Variants in ZFYVE28 observed in about 807,000 individuals in gnomAD.
ZFYVE28 encodes the protein zinc finger FYVE-type containing 28, also known as lateral signaling target protein 2 homolog.
A neutral mutation model predicts 82.1 loss-of-function variants in ZFYVE28; 40 were observed. That is an observed-to-expected ratio of 0.49 (90% CI 0.38 to 0.63). The LOEUF (loss-of-function observed/expected upper bound fraction) is 0.63. Ranked by LOEUF, ZFYVE28 falls within the 30% of genes least tolerant of loss-of-function variation. The pLI, the probability that ZFYVE28 is intolerant of heterozygous loss-of-function variation, is 0.00. For missense variants in ZFYVE28, 1,321 were observed against 1,242.1 expected (o/e 1.06, Z -0.96); for synonymous variants, 612 against 546.1 (o/e 1.12, Z -1.68).
In ZFYVE28 at chr4:2,300,017, T is replaced by C. The variant is rs932914084; in HGVS notation, c.2051+4272A>G. ...CTTGCTATGTTGTCCAGGCTGGCCT[T>C]GAACTCCTGGCCTCAAGCAATACGC... On this transcript the variant is annotated intron_variant, in intron 8 of 12. Coordinates refer to ENST00000290974, the MANE Select transcript of ZFYVE28 (RefSeq NM_020972.3). This position sits in a 1 kb window ranked among gnomAD's most constrained non-coding sequence, Gnocchi z 4.6. Among the ~76,000 whole-genome samples the C allele has an allele frequency of 1.3e-5, 2 of 152,146 alleles. No homozygotes were observed. Among genetic ancestry groups the C allele is most frequent in the African/African-American group, 4.8e-5 (2 of 41,416 alleles).
intron 6 of ZFYVE28, among the ~76,000 whole-genome samples, chr4:2,323,736 T>C (rs2108840456): frequency 7.6e-6 from 1 of 132,172 alleles, no homozygotes; most frequent in East Asian, 2.3e-4. Flanking sequence ...ATGTTCCCCT[T>C]CCTGTGTCCA....
intron 1 of ZFYVE28, among the ~76,000 whole-genome samples, chr4:2,369,534 G>A (rs1016259590): frequency 1.3e-5 from 2 of 152,168 alleles, no homozygotes; most frequent in African/African-American, 4.8e-5. Context: ...TGGAAAAACG[G>A]TTGTTGCAGA....
At chr4:2,334,212 T>C (rs1369608273) in intron 6 of ZFYVE28, among the ~76,000 whole-genome samples, 2 of 152,168 alleles carry the variant, frequency 1.3e-5, no homozygotes, top group East Asian at 3.9e-4. Flanking sequence ...CCCTGAGCTA[T>C]TGGAGGGGAC....
intron 1 of ZFYVE28, among the ~76,000 whole-genome samples, chr4:2,412,669 C>T (rs1732643419): frequency 6.6e-6 from 1 of 152,198 alleles, no homozygotes; most frequent in Non-Finnish European, 1.5e-5. Flanking sequence ...GCACCCGGCA[C>T]ACCCTGTAGC....
chr4:2,310,192 C>T (rs1339994799), intron 7 of ZFYVE28, among the ~76,000 whole-genome samples: 1 of 152,052 alleles, frequency 6.6e-6, no homozygotes. Flanking sequence ...ATGTGTACCA[C>T]CATGCTCAAC....
At chr4:2,381,239 G>A (rs544176696) in intron 1 of ZFYVE28, among the ~76,000 whole-genome samples, 2 of 152,340 alleles carry the variant, frequency 1.3e-5, no homozygotes, top group South Asian at 2.1e-4. Context: ...CCCTGCCCTA[G>A]AGATTTGTGG....
intron 1 of ZFYVE28, among the ~76,000 whole-genome samples, chr4:2,389,035 G>A (rs1356964767): frequency 6.6e-6 from 1 of 152,118 alleles, no homozygotes. Flanking sequence ...CCACTGTGGG[G>A]GAAGAACCTG....
At chr4:2,401,255 G>A (rs895952668) in intron 1 of ZFYVE28, among the ~76,000 whole-genome samples, 3 of 152,210 alleles carry the variant, frequency 2.0e-5, no homozygotes, top group Admixed American at 6.5e-5. Flanking sequence ...CAGCTCACAC[G>A]CAACGACACA....
chr4:2,410,762 T>C (rs1732442617), intron 1 of ZFYVE28, among the ~76,000 whole-genome samples: 1 of 152,190 alleles, frequency 6.6e-6, no homozygotes, highest in Non-Finnish European at 1.5e-5. Flanking sequence ...CCCAAAGTGC[T>C]GGGATTACAG....
Position 2,304,574 on chromosome 4 carries a change from C to A in ZFYVE28, c.1766G>T (p.Gly589Val). 1.9e-6 allele frequency: 3 copies of A among 1,612,562 alleles called. No individual in the cohort carries two copies. Among genetic ancestry groups the A allele is most frequent in the Non-Finnish European group, 2.5e-6 (3 of 1,179,842 alleles). Residue 589 changes from glycine to valine, a missense_variant, in exon 8 of 13, where the codon GGC becomes GTC. Physicochemically the swap from Gly to Val is moderately radical, Grantham distance 109 (BLOSUM62 -3). Transcript: ENST00000290974. ...ERLREKCSPG[G>V]VIGASYAAGL... ...GGCAGCGTACGAGGCACCAATGACG[C>A]CTCCCGGGCTGCACTTCTCCCGCAG...
intron 8 of ZFYVE28, among the ~76,000 whole-genome samples, chr4:2,291,912 G>A (rs911899439): frequency 9.2e-5 from 14 of 152,190 alleles, no homozygotes; most frequent in Admixed American, 7.2e-4. Context: ...AGAGGGGGCC[G>A]GGCTGCAGGG....
At chr4:2,297,777 C>T (rs34830856) in intron 8 of ZFYVE28, among the ~76,000 whole-genome samples, 46,061 of 147,088 alleles carry the variant, frequency 0.31, 8,297 homozygotes, top group Non-Finnish European at 0.41. Context: ...CACAGTGACA[C>T]GGCGGGCTGT....
At chr4:2,336,684 G>T (rs1380200167) in intron 5 of ZFYVE28, among the ~76,000 whole-genome samples, 1 of 151,730 alleles carries the variant, frequency 6.6e-6, no homozygotes, top group African/African-American at 2.4e-5. Flanking sequence ...GGATTGAGGA[G>T]GTGAGGAGTG....
chr4:2,291,905 G>A (rs1713769946), intron 8 of ZFYVE28, among the ~76,000 whole-genome samples: 1 of 152,236 alleles, frequency 6.6e-6, no homozygotes, highest in African/African-American at 2.4e-5. Flanking sequence ...GGGGAGCAGA[G>A]GGGGCCGGGC....
chr4:2,353,781 G>C, intron 2 of ZFYVE28, 152 bp downstream of exon 2: 1 of 992,058 alleles, frequency 1.0e-6, no homozygotes, highest in Non-Finnish European at 1.3e-6. Context: ...GCCCGGGATG[G>C]TCCCTCTTCC....
rs139887084 is a variant in ZFYVE28, at chr4:2,382,254, C to T, written c.40-28181G>A. ...ACACAGAGTCCCTACTGGGCACCAC[C>T]TAGTGGAGCTGTGAGAAGAGGGCCA... On this transcript the variant is annotated intron_variant, in intron 1 of 12. Coordinates refer to ENST00000290974, the MANE Select transcript of ZFYVE28 (RefSeq NM_020972.3). Among the ~76,000 whole-genome samples, 690 of 152,328 alleles carry T rather than the reference C, an allele frequency of 4.5e-3. 7 individuals carry two copies. Among genetic ancestry groups the T allele is most frequent in the African/African-American group, 0.015 (621 of 41,570 alleles).
Position 2,320,499 on chromosome 4 carries a change from T to A in ZFYVE28, c.702-228A>T, listed in dbSNP as rs1238702875. On this transcript the variant is annotated intron_variant, in intron 6 of 12. Transcript: ENST00000290974. The surrounding 1 kb of genome is among the most constrained non-coding windows in gnomAD (Gnocchi z 5.1). ...GACTTCATCCTCTTTTGCAGTTGAT[T>A]AGCTTGTGTTCATTGGAGGGGTCAT... 4.6e-5 allele frequency among the ~76,000 whole-genome samples: 7 copies of A among 152,262 alleles called. No individual in the cohort carries two copies. The highest frequency in any genetic ancestry group is 1.7e-4 in the African/African-American group (7 of 41,472).
rs1359805862 is a variant in ZFYVE28 at position 2,335,782 on chromosome 4, G to A, written c.624C>T (p.Phe208=). 6.4e-6 allele frequency: 10 copies of A among 1,562,632 alleles called. No homozygotes were observed. Among genetic ancestry groups the A allele is most frequent in the Non-Finnish European group, 8.7e-6 (10 of 1,153,158 alleles). The change falls in exon 6 of 13, where the codon TTC becomes TTT. Residue 208 remains phenylalanine, a synonymous_variant. Transcript: ENST00000290974. The surrounding 1 kb of genome is among the most constrained non-coding windows in gnomAD (Gnocchi z 5.8). ...CAATCATGTCCTGAGTCAGGTACCC[G>A]AAGTCCAGGGCCCTGTCCGGGGAGA... is the stretch of plus-strand genomic sequence containing the variant. The part of the protein sequence containing the change: ...FCETVERALD[F]GYLTQDMIDD...
At chr4:2,280,652 A>G (rs1184889591) in intron 8 of ZFYVE28, among the ~76,000 whole-genome samples, 1 of 152,248 alleles carries the variant, frequency 6.6e-6, no homozygotes, top group Non-Finnish European at 1.5e-5. Context: ...TCATTTTCTA[A>G]AGTCTCATCG....
Sources: allele counts gnomAD v4.1 joint callset (sites outside exome capture counted in the v4.1 genomes callset), GRCh38; gene constraint gnomAD v4.1.1; non-coding constraint Gnocchi (gnomAD v3.1); transcripts MANE v1.5; gene names NCBI Gene and HGNC (gene_info 2026-07-23, HGNC 2026-07-21).